The following BIN1 variants were observed in gnomAD, a reference collection of about 807,000 sequenced individuals.
BIN1 encodes the protein bridging integrator 1, also known as myc box-dependent-interacting protein 1.
In BIN1, 53 loss-of-function variants were observed where a neutral mutation model predicts 82.0. The ratio of observed to expected loss-of-function variants is 0.65; its 90% CI spans 0.52 to 0.81. The LOEUF is 0.81. Among genes scored for constraint, BIN1 ranks in the 40% least tolerant of loss-of-function variants. The pLI is 0.00. For missense variants in BIN1, 642 were observed against 784.4 expected, an observed-to-expected ratio of 0.82 and a Z score of 2.17; for synonymous variants, 302 against 328.0, an observed-to-expected ratio of 0.92 and a Z score of 0.86.
In BIN1 at chr2:127,106,847, C is replaced by T. The variant is rs1327743004; in HGVS notation, c.84+13G>A. ...CTGGGACTCCGCGGCTGCTGGGGCT[C>T]CGGCTCGCTCACCTTCTCCTGCGCG... is the stretch of plus-strand genomic sequence containing the variant. On this transcript the variant is annotated intron_variant, in intron 1 of 18. Coordinates refer to ENST00000316724, the MANE Select transcript of BIN1 (RefSeq NM_139343.3). 2 of 1,593,062 alleles carry T rather than the reference C, an allele frequency of 1.3e-6. No individual in the cohort carries two copies. The highest frequency in any genetic ancestry group is 8.5e-7 in the Non-Finnish European group (1 of 1,171,912).
In BIN1 at chr2:127,052,193, T is replaced by C. The variant is rs540864281; in HGVS notation, c.1371+62A>G. 7.8e-4 allele frequency: 1,181 copies of C among 1,504,534 alleles called. 15 individuals are homozygous for C. The South Asian group carries it at 0.013, about 16-fold the overall frequency. 93.2% of individuals were successfully genotyped at this position (1,504,534 alleles called of 1,614,324 possible). A position where few individuals can be genotyped will look rare whatever the true frequency, so the allele number is the denominator to read the frequency against. The stretch of plus-strand genomic sequence containing the variant: ...CTGCAACCCCTCCTCGGGGCTCTCC[T>C]TCCATGCTGCACCCCTAGAGACTGG... On this transcript the variant is annotated intron_variant, in intron 15 of 18. Transcript: ENST00000316724.
chr2:127,063,809 G>C, intron 8 of BIN1, 124 bp downstream of exon 8: 1 of 1,422,188 alleles, frequency 7.0e-7, no homozygotes, highest in South Asian at 1.2e-5. Context: ...CACAGGCTGG[G>C]CACCGCAGCA....
In BIN1 at chr2:127,057,925, C is replaced by T. The variant is rs1333735747; in HGVS notation, c.1003-324G>A. ...AGGCCCCAGGCTGCCCACTGGCCAACTGTGGGAGGGGCTGGCTCCCACTGG... is the reference window on the plus strand; with the variant it reads ...AGGCCCCAGGCTGCCCACTGGCCAATTGTGGGAGGGGCTGGCTCCCACTGG... On this transcript the variant is annotated intron_variant, in intron 11 of 18. Coordinates refer to ENST00000316724, the MANE Select transcript of BIN1 (RefSeq NM_139343.3). The surrounding 1 kb of genome is among the most constrained non-coding windows in gnomAD (Gnocchi z 5.0). Among the ~76,000 whole-genome samples, 1 of 152,060 alleles carries T rather than the reference C, an allele frequency of 6.6e-6. No individual in the cohort carries two copies. Among genetic ancestry groups the T allele is most frequent in the Non-Finnish European group, 1.5e-5 (1 of 68,004 alleles).
intron 14 of BIN1, 33 bp downstream of exon 14, chr2:127,053,388 CA>C: frequency 1.2e-6 from 2 of 1,613,546 alleles, no homozygotes; most frequent in Non-Finnish European, 1.7e-6. Flanking sequence ...GTGGCTCCCC[CA>C]GGGGCTGGAC....
intron 1 of BIN1, among the ~76,000 whole-genome samples, chr2:127,094,600 T>C (rs1679351433): frequency 6.6e-6 from 1 of 152,070 alleles, no homozygotes; most frequent in South Asian, 2.1e-4. Context: ...AGCACTGGAG[T>C]GGCGCGGAGC....
chr2:127,101,420 A>G (rs1436026703), intron 1 of BIN1, among the ~76,000 whole-genome samples: 1 of 152,020 alleles, frequency 6.6e-6, no homozygotes, highest in African/African-American at 2.4e-5. Context: ...TCCTCAACCT[A>G]GCACACTCCT....
Position 127,093,806 on chromosome 2 carries a change from C to CCGCT in BIN1, c.84+13050_84+13053dup, listed in dbSNP as rs1356975624. Among the ~76,000 whole-genome samples the CCGCT allele has an allele frequency of 3.3e-5, 5 of 152,228 alleles. No homozygotes were observed. Among genetic ancestry groups the CCGCT allele is most frequent in the Non-Finnish European group, 5.9e-5 (4 of 68,044 alleles). ...ACGATACCACACGTTTCCGCCCCTG[C>CCGCT]CGCTCTCTCTGGACAATCCCCTCCC... On this transcript the variant is annotated intron_variant, in intron 1 of 18. Coordinates refer to ENST00000316724, the MANE Select transcript of BIN1 (RefSeq NM_139343.3). The surrounding 1 kb of genome is among the most constrained non-coding windows in gnomAD (Gnocchi z 5.7).
rs1683766721 is a variant in BIN1 at position 127,057,010 on chromosome 2, CA to C, written c.1131+462del. 6.6e-6 allele frequency among the ~76,000 whole-genome samples: 1 copy of C among 152,356 alleles called. No homozygotes were observed. Among genetic ancestry groups the C allele is most frequent in the African/African-American group, 2.4e-5 (1 of 41,584 alleles). On this transcript the variant is annotated intron_variant, in intron 12 of 18. Coordinates refer to ENST00000316724, the MANE Select transcript of BIN1 (RefSeq NM_139343.3). The surrounding 1 kb of genome is among the most constrained non-coding windows in gnomAD (Gnocchi z 5.0). The stretch of plus-strand genomic sequence containing the variant: ...CATTCCACGCCTCTTAGGGAGTGTG[CA>C]CACGGCAGTTCTGCCCTGCAGCCTG...
intron 12 of BIN1, chr2:127,055,840 T>C (rs577086021): frequency 6.6e-6 from 1 of 152,292 alleles, no homozygotes; most frequent in East Asian, 1.9e-4. Flanking sequence ...ACCCGTGTCA[T>C]GGACAAAGGC....
chr2:127,068,145 G>T lies in BIN1; in HGVS notation c.612+18C>A, dbSNP rs572040801. The T allele has an allele frequency of 1.7e-5, 28 of 1,610,608 alleles. No homozygotes were observed. The Admixed American group carries it at 3.2e-4, about 18-fold the overall frequency. On this transcript the variant is annotated intron_variant, in intron 7 of 18. Transcript: ENST00000316724. This position sits in a 1 kb window ranked among gnomAD's most constrained non-coding sequence, Gnocchi z 4.9. ...ACCGGAAGGCGCCAGCACGTGCAAG[G>T]TTAGAAGCCAGTGTCACCTGATTTC...
intron 14 of BIN1, chr2:127,053,115 G>C (rs1042090701): frequency 4.3e-5 from 21 of 484,694 alleles, no homozygotes; most frequent in African/African-American, 2.0e-5. Context: ...CTGGGTGACC[G>C]GCCCACTTCT....
chr2:127,102,520 C>G (rs1573825167), intron 1 of BIN1, among the ~76,000 whole-genome samples: 1 of 152,242 alleles, frequency 6.6e-6, no homozygotes, highest in East Asian at 1.9e-4. Flanking sequence ...ACACCTTGGA[C>G]CATGCCTGCA....
At chr2:127,105,490 C>CTCCTCCTCG (rs1553490390) in intron 1 of BIN1, among the ~76,000 whole-genome samples, 2 of 151,500 alleles carry the variant, frequency 1.3e-5, no homozygotes, top group African/African-American at 4.8e-5. Flanking sequence ...CCTCCTCCTC[C>CTCCTCCTCG]TCCTCCTCCT....
intron 1 of BIN1, among the ~76,000 whole-genome samples, chr2:127,077,480 C>G (rs1381622279): frequency 1.3e-5 from 2 of 152,020 alleles, no homozygotes; most frequent in Admixed American, 6.6e-5. Flanking sequence ...AGGAGCCACA[C>G]CAGGAGAGGG....
In BIN1 at chr2:127,076,703, G is replaced by C; in HGVS notation, c.88C>G (p.Leu30Val). 6.2e-7 allele frequency: 1 copy of C among 1,614,136 alleles called. No homozygotes were observed. The highest frequency in any genetic ancestry group is 8.5e-7 in the Non-Finnish European group (1 of 1,180,024). Reference protein sequence around the residue: ...KKLTRAQEKVLQKLGKADETK... With the variant: ...KKLTRAQEKVVQKLGKADETK... Reference sequence around the variant, plus strand: ...TCATCTGCCTTCCCCAGCTTCTGGAGAACCTGCCGAAGCCAAGAGAGAAGG... The same window carrying C: ...TCATCTGCCTTCCCCAGCTTCTGGACAACCTGCCGAAGCCAAGAGAGAAGG... Residue 30 changes from leucine to valine, a missense_variant, in exon 2 of 19, where the codon CTC becomes GTC. Leu to Val is a conservative substitution (Grantham distance 32). Coordinates refer to ENST00000316724, the MANE Select transcript of BIN1 (RefSeq NM_139343.3).
chr2:127,066,785 G>A (rs1385325265), intron 7 of BIN1, among the ~76,000 whole-genome samples: 26 of 152,206 alleles, frequency 1.7e-4, no homozygotes, highest in Admixed American at 1.6e-3. Flanking sequence ...AAACTGGACA[G>A]CCAGGCCAGG....
intron 2 of BIN1, among the ~76,000 whole-genome samples, chr2:127,075,930 C>T (rs1258667721): frequency 1.3e-5 from 2 of 149,598 alleles, no homozygotes; most frequent in East Asian, 4.0e-4. Context: ...CAGAATGCTC[C>T]CAGCCCTCCC....
At chr2:127,073,613 C>T (rs1686214267) in intron 2 of BIN1, among the ~76,000 whole-genome samples, 1 of 152,116 alleles carries the variant, frequency 6.6e-6, no homozygotes, top group Non-Finnish European at 1.5e-5. Context: ...GACGGCCCTC[C>T]TACGTGGACC....
intron 10 of BIN1, among the ~76,000 whole-genome samples, chr2:127,060,207 A>G (rs1407229738): frequency 6.6e-6 from 1 of 152,196 alleles, no homozygotes; most frequent in Non-Finnish European, 1.5e-5. Flanking sequence ...TAAAGAATAT[A>G]TGTATAAGTA....
Sources: gnomAD v4.1 joint callset for allele counts (sites outside exome capture counted in the v4.1 genomes callset) on GRCh38, gnomAD v4.1.1 for gene constraint, Gnocchi (gnomAD v3.1) non-coding constraint, MANE v1.5 for transcripts, NCBI Gene and HGNC (gene_info 2026-07-23, HGNC 2026-07-21) for gene names.